PPP1R9A: variants seen among roughly 807,000 people sequenced by gnomAD.
PPP1R9A encodes the protein neurabin-1.
In PPP1R9A, 59 loss-of-function variants were observed where a neutral mutation model predicts 141.9. That is an observed-to-expected ratio of 0.42 (90% CI 0.34 to 0.52). The LOEUF (loss-of-function observed/expected upper bound fraction) is 0.52, where lower values mean the gene tolerates loss of function less well. Among genes scored for constraint, PPP1R9A ranks in the 20% least tolerant of loss-of-function variants. The pLI, the probability that PPP1R9A is intolerant of heterozygous loss-of-function variation, is 0.10. For missense variants in PPP1R9A, 1,444 were observed against 1,611.9 expected, an observed-to-expected ratio of 0.90 and a Z score of 1.78; for synonymous variants, 500 against 569.7, an observed-to-expected ratio of 0.88 and a Z score of 1.74.
chr7:95,107,703 T>C (rs556333978), intron 2 of PPP1R9A, among the ~76,000 whole-genome samples: 2 of 152,334 alleles, frequency 1.3e-5, no homozygotes, highest in East Asian at 3.9e-4. Flanking sequence ...AGCGAAGTTT[T>C]ATTATGTGTT....
At chr7:95,112,528 T>A (rs1340079446) in intron 3 of PPP1R9A, among the ~76,000 whole-genome samples, 2 of 151,854 alleles carry the variant, frequency 1.3e-5, no homozygotes, top group Non-Finnish European at 2.9e-5. Flanking sequence ...AACATAGAAC[T>A]ATCATTTGAC....
intron 2 of PPP1R9A, among the ~76,000 whole-genome samples, chr7:94,993,713 G>T (rs1467464896): frequency 6.6e-6 from 1 of 152,024 alleles, no homozygotes; most frequent in Non-Finnish European, 1.5e-5. Flanking sequence ...AATGCAGTGG[G>T]TTTTAAAAAT....
Position 95,182,749 on chromosome 7 carries a change from T to C in PPP1R9A, c.1755-15600T>C, listed in dbSNP as rs141483733. 2.7e-3 allele frequency among the ~76,000 whole-genome samples: 412 copies of C among 152,294 alleles called. 1 individual carries two copies. Among genetic ancestry groups the C allele is most frequent in the African/African-American group, 9.3e-3 (385 of 41,568 alleles). Reference sequence around the variant, plus strand: ...AGAAGCAACTACTATGGATTTTGGATCATGGATGTTAGATCTCCTTAATGT... The same window carrying C: ...AGAAGCAACTACTATGGATTTTGGACCATGGATGTTAGATCTCCTTAATGT... On this transcript the variant is annotated intron_variant, in intron 5 of 19. Transcript: ENST00000433360.
At chr7:94,907,295 C>T (rs149775644), upstream of PPP1R9A, 1,492 of 152,420 alleles carry the variant, frequency 9.8e-3, 13 homozygotes, top group Middle Eastern at 0.024. Flanking sequence ...ATCCCTTTCT[C>T]TTTGGCAGTG....
In PPP1R9A at chr7:95,061,742, T is replaced by C. The variant is rs943243515; in HGVS notation, c.1396-49517T>C. On this transcript the variant is annotated intron_variant, in intron 2 of 19. Coordinates refer to ENST00000433360, the MANE Select transcript of PPP1R9A (RefSeq NM_001166160.2). The stretch of plus-strand genomic sequence containing the variant: ...AGAATGAGACCCTGTGTCGAATGAA[T>C]GAATGAAAATAAAGAGCCATGGCTT... Among the ~76,000 whole-genome samples the C allele has an allele frequency of 1.2e-4, 18 of 152,046 alleles. 1 individual carries two copies. Among genetic ancestry groups the C allele is most frequent in the Admixed American group, 1.3e-4 (2 of 15,260 alleles).
intron 7 of PPP1R9A, among the ~76,000 whole-genome samples, chr7:95,211,143 TAAAA>T (rs58991785): frequency 1.4e-5 from 2 of 142,052 alleles, no homozygotes; most frequent in Non-Finnish European, 3.1e-5. Context: ...ACTTAAAGTA[TAAAA>T]AAAAAAAAAC....
intron 2 of PPP1R9A, among the ~76,000 whole-genome samples, chr7:94,968,652 C>T (rs915221496): frequency 1.3e-5 from 2 of 152,058 alleles, no homozygotes; most frequent in Non-Finnish European, 2.9e-5. Flanking sequence ...TCCAATTTGC[C>T]AGTCTGTGTC....
intron 2 of PPP1R9A, among the ~76,000 whole-genome samples, chr7:94,951,039 T>C (rs1371782544): frequency 1.3e-5 from 2 of 152,158 alleles, no homozygotes; most frequent in African/African-American, 2.4e-5. Flanking sequence ...ATCACCTGTA[T>C]GATTACCATG....
chr7:95,163,713 G>A (rs1830761791), intron 5 of PPP1R9A, among the ~76,000 whole-genome samples: 1 of 151,638 alleles, frequency 6.6e-6, no homozygotes, highest in Non-Finnish European at 1.5e-5. Flanking sequence ...TCCATGTGCA[G>A]GGGTTTTTTT....
intron 5 of PPP1R9A, among the ~76,000 whole-genome samples, chr7:95,172,581 T>A (rs1361446526): frequency 6.6e-6 from 1 of 151,782 alleles, no homozygotes; most frequent in Admixed American, 6.6e-5. Context: ...TAACAATATA[T>A]TGCAGACTTC....
chr7:95,092,741 G>A (rs6967937), intron 2 of PPP1R9A, among the ~76,000 whole-genome samples: 71,511 of 151,940 alleles, frequency 0.47, 17,456 homozygotes, highest in African/African-American at 0.54. Flanking sequence ...AATGAAATGC[G>A]GCATATAAGT....
chr7:94,948,143 G>T (rs1563032124), intron 2 of PPP1R9A, among the ~76,000 whole-genome samples: 1 of 151,974 alleles, frequency 6.6e-6, no homozygotes, highest in Non-Finnish European at 1.5e-5. Context: ...TTCAGTATGG[G>T]TCCGTAGGAA....
intron 1 of PPP1R9A, among the ~76,000 whole-genome samples, chr7:94,909,571 A>T (rs768894735): frequency 9.2e-5 from 14 of 152,192 alleles, no homozygotes; most frequent in Non-Finnish European, 1.8e-4. Flanking sequence ...TTTAAAGGGC[A>T]TTCACAAAAG....
chr7:94,995,377 T>A (rs1802043903), intron 2 of PPP1R9A, among the ~76,000 whole-genome samples: 2 of 152,104 alleles, frequency 1.3e-5, no homozygotes, highest in Admixed American at 6.5e-5. Flanking sequence ...TGGCCATTTT[T>A]TCCCCCCAAT....
At chr7:95,001,487 G>A (rs1008606703) in intron 2 of PPP1R9A, among the ~76,000 whole-genome samples, 2 of 152,164 alleles carry the variant, frequency 1.3e-5, no homozygotes, top group African/African-American at 4.8e-5. Flanking sequence ...TGTAAGTCAT[G>A]TAATACACTA....
At chr7:95,186,665 G>T (rs1834702589) in intron 5 of PPP1R9A, among the ~76,000 whole-genome samples, 1 of 152,038 alleles carries the variant, frequency 6.6e-6, no homozygotes, top group Non-Finnish European at 1.5e-5. Flanking sequence ...GTCATAGATG[G>T]CTTTTATTAC....
At chr7:95,097,816 G>T (rs73218136) in intron 2 of PPP1R9A, among the ~76,000 whole-genome samples, 50,095 of 152,126 alleles carry the variant, frequency 0.33, 9,668 homozygotes, top group Non-Finnish European at 0.44. Flanking sequence ...TGAACTGTTG[G>T]TGTATCAGTC....
In PPP1R9A at chr7:95,093,040, A is replaced by G. The variant is rs535399938; in HGVS notation, c.1396-18219A>G. Among the ~76,000 whole-genome samples, 4 of 152,340 alleles carry G rather than the reference A, an allele frequency of 2.6e-5. 1 individual carries two copies. In the South Asian group the frequency reaches 8.3e-4, roughly 32 times the overall value. ...ATGTATTTACCTTCCCGATATCAAT[A>G]TGGCAGGTGGAGATGACATGCCATG... On this transcript the variant is annotated intron_variant, in intron 2 of 19. Coordinates refer to ENST00000433360, the MANE Select transcript of PPP1R9A (RefSeq NM_001166160.2).
intron 2 of PPP1R9A, among the ~76,000 whole-genome samples, chr7:94,975,356 GTTTT>G (rs68186534): frequency 2.5e-5 from 3 of 120,714 alleles, no homozygotes; most frequent in Non-Finnish European, 3.5e-5. Context: ...GTTTTTTTTT[GTTTT>G]TTTTTTTTTT....
Sources: allele counts gnomAD v4.1 joint callset (sites outside exome capture counted in the v4.1 genomes callset), GRCh38; gene constraint gnomAD v4.1.1; transcripts MANE v1.5; gene names NCBI Gene and HGNC (gene_info 2026-07-23, HGNC 2026-07-21).